GALNT10: variants seen among roughly 807,000 people sequenced by gnomAD.
GALNT10 encodes the protein GalNAc transferase 10.
A neutral mutation model predicts 75.0 loss-of-function variants in GALNT10; 41 were observed. The observed-to-expected ratio is 0.55, with a 90% confidence interval of 0.43 to 0.71. GALNT10 has a LOEUF of 0.71. Among genes scored for constraint, GALNT10 ranks in the 30% least tolerant of loss-of-function variants. GALNT10 has a pLI of 0.00. For missense variants in GALNT10, 727 were observed against 818.5 expected (o/e 0.89, Z 1.36); for synonymous variants, 302 against 313.0 (o/e 0.96, Z 0.37).
At chr5:154,332,326 G>A (rs1754879855) in intron 4 of GALNT10, among the ~76,000 whole-genome samples, 1 of 152,094 alleles carries the variant, frequency 6.6e-6, no homozygotes, top group Non-Finnish European at 1.5e-5. Context: ...TGGCAGTGAG[G>A]GCTGCGCTCA....
intron 2 of GALNT10, among the ~76,000 whole-genome samples, chr5:154,295,884 T>C (rs964967592): frequency 6.6e-6 from 1 of 152,144 alleles, no homozygotes; most frequent in Non-Finnish European, 1.5e-5. Flanking sequence ...ATCTAAGGGA[T>C]TGGTATTAAT....
intron 4 of GALNT10, among the ~76,000 whole-genome samples, chr5:154,374,960 G>A (rs1030220948): frequency 1.3e-5 from 2 of 152,164 alleles, no homozygotes; most frequent in Admixed American, 6.5e-5. Context: ...CATCTATGGT[G>A]TTTAAAGTTT....
chr5:154,309,411 C>T (rs1209185553), intron 3 of GALNT10, among the ~76,000 whole-genome samples: 1 of 152,070 alleles, frequency 6.6e-6, no homozygotes, highest in African/African-American at 2.4e-5. Flanking sequence ...GTGACATGAT[C>T]TGATTTTCAT....
intron 1 of GALNT10, among the ~76,000 whole-genome samples, chr5:154,235,392 C>T (rs1753229645): frequency 6.6e-6 from 1 of 152,158 alleles, no homozygotes; most frequent in Admixed American, 6.5e-5. Flanking sequence ...TTTTCCTGTC[C>T]TCTGAGGCTG....
chr5:154,284,785 G>A (rs186615219), intron 1 of GALNT10, among the ~76,000 whole-genome samples: 33 of 152,302 alleles, frequency 2.2e-4, no homozygotes, highest in Admixed American at 2.2e-3. Context: ...GGAAGGAATG[G>A]GCAGGTACAT....
chr5:154,368,095 C>T (rs1411430639), intron 4 of GALNT10, among the ~76,000 whole-genome samples: 5 of 152,152 alleles, frequency 3.3e-5, no homozygotes, highest in Admixed American at 6.5e-5. Context: ...TGTTAAAATC[C>T]GGCTCAGTGG....
chr5:154,373,868 G>A (rs1029711368), intron 4 of GALNT10, among the ~76,000 whole-genome samples: 4 of 152,228 alleles, frequency 2.6e-5, no homozygotes, highest in East Asian at 1.9e-4. Context: ...ATCTGCATTC[G>A]GGGTGATTTA....
At chr5:154,223,511 G>A (rs1475830303) in intron 1 of GALNT10, among the ~76,000 whole-genome samples, 7 of 152,214 alleles carry the variant, frequency 4.6e-5, no homozygotes, top group African/African-American at 1.7e-4. Flanking sequence ...AGCAAGAAGT[G>A]AACATTTATT....
In GALNT10 at chr5:154,250,292, C is replaced by A. The variant is rs77928636; in HGVS notation, c.160-44524C>A. On this transcript the variant is annotated intron_variant, in intron 1 of 11. Transcript: ENST00000297107. ...TCTTTCTTTCTTGGAGTCTTACTTC[C>A]AATTGTCTAGGTGGGCTTTTAAATT... Among the ~76,000 whole-genome samples the A allele has an allele frequency of 3.1e-3, 476 of 152,200 alleles. 2 individuals are homozygous for A. The highest frequency in any genetic ancestry group is 0.011 in the African/African-American group (461 of 41,534).
rs376045286 is a variant in GALNT10, at chr5:154,323,371, C to CA, written c.402-6188dup. Among the ~76,000 whole-genome samples the CA allele has an allele frequency of 1.4e-3, 192 of 138,808 alleles. 1 individual carries two copies. Among genetic ancestry groups the CA allele is most frequent in the South Asian group, 1.8e-3 (8 of 4,376 alleles). 91.1% of individuals were successfully genotyped at this position (138,808 alleles called of 152,430 possible). ...TGGACAACAGAGTAAGACCCCATTT[C>CA]AAAAAAAAAAAAATGTAAAAGTCAT... On this transcript the variant is annotated intron_variant, in intron 3 of 11. Coordinates refer to ENST00000297107, the MANE Select transcript of GALNT10 (RefSeq NM_198321.4).
Position 154,275,979 on chromosome 5 carries a change from G to A in GALNT10, c.160-18837G>A, listed in dbSNP as rs147175617. ...ACAAGGGACAGAAGATTTCATTGCA[G>A]CTAGCCTTTGAAAATACAATCTGCC... On this transcript the variant is annotated intron_variant, in intron 1 of 11. Transcript: ENST00000297107. Among the ~76,000 whole-genome samples, 914 of 152,278 alleles carry A rather than the reference G, an allele frequency of 6.0e-3. 5 individuals carry two copies. Among genetic ancestry groups the A allele is most frequent in the Admixed American group, 6.9e-3 (105 of 15,288 alleles).
intron 9 of GALNT10, among the ~76,000 whole-genome samples, chr5:154,411,742 C>T (rs1391533030): frequency 6.6e-6 from 1 of 152,204 alleles, no homozygotes; most frequent in East Asian, 1.9e-4. Context: ...TGTTGGCTTC[C>T]TCACTTGTGT....
At chr5:154,285,213 C>T (rs1044869968) in intron 1 of GALNT10, among the ~76,000 whole-genome samples, 3 of 152,126 alleles carry the variant, frequency 2.0e-5, no homozygotes, top group East Asian at 3.9e-4. Context: ...CCAGAGAGAA[C>T]TGGGGCCTCC....
chr5:154,221,511 G>A (rs954833739), intron 1 of GALNT10, among the ~76,000 whole-genome samples: 2 of 152,178 alleles, frequency 1.3e-5, no homozygotes, highest in Non-Finnish European at 2.9e-5. Flanking sequence ...ATTCCCCAAG[G>A]ATCTGTGTCT....
intron 1 of GALNT10, among the ~76,000 whole-genome samples, chr5:154,274,224 A>G (rs1427723194): frequency 6.6e-6 from 1 of 152,218 alleles, no homozygotes; most frequent in East Asian, 1.9e-4. Flanking sequence ...CTGGGTTGAA[A>G]TGATAGACAA....
intron 1 of GALNT10, among the ~76,000 whole-genome samples, chr5:154,293,114 AT>A (rs1228536384): frequency 6.6e-6 from 1 of 152,236 alleles, no homozygotes; most frequent in Admixed American, 6.5e-5. Context: ...ATGTTGAGCC[AT>A]TGTGGAAAAC....
intron 4 of GALNT10, among the ~76,000 whole-genome samples, chr5:154,339,910 G>A (rs1320765239): frequency 6.6e-6 from 1 of 152,174 alleles, no homozygotes; most frequent in African/African-American, 2.4e-5. Flanking sequence ...CAGAGGAACT[G>A]CCCCCTTCTG....
chr5:154,367,291 G>T (rs1347729212), intron 4 of GALNT10, among the ~76,000 whole-genome samples: 1 of 152,240 alleles, frequency 6.6e-6, no homozygotes, highest in Non-Finnish European at 1.5e-5. Flanking sequence ...CTCAGCATCT[G>T]TGTGGAAACC....
At chr5:154,407,685 T>C (rs1233447881) in intron 8 of GALNT10, among the ~76,000 whole-genome samples, 2 of 152,114 alleles carry the variant, frequency 1.3e-5, no homozygotes, top group Non-Finnish European at 2.9e-5. Context: ...TGTTTCAGAG[T>C]GTTCATGTAG....
Sources: allele counts gnomAD v4.1 joint callset (sites outside exome capture counted in the v4.1 genomes callset), GRCh38; gene constraint gnomAD v4.1.1; transcripts MANE v1.5; gene names NCBI Gene and HGNC (gene_info 2026-07-23, HGNC 2026-07-21).